Variants in ECT2L observed in about 807,000 individuals in gnomAD.
ECT2L encodes epithelial cell transforming 2 like.
In ECT2L, 126 loss-of-function variants were observed where a neutral mutation model predicts 122.8. That is an observed-to-expected ratio of 1.03 (90% CI 0.89 to 1.19). ECT2L has a LOEUF of 1.19. Ranked by LOEUF, ECT2L falls within the 50% of genes most tolerant of loss-of-function variation. The pLI, the probability that ECT2L is intolerant of heterozygous loss-of-function variation, is 0.00. For missense variants in ECT2L, 1,012 were observed against 1,064.1 expected (o/e 0.95, Z 0.68); for synonymous variants, 385 against 381.8 (o/e 1.01, Z -0.10).
At chr6:138,806,814 C>G (rs1178465711) in intron 1 of ECT2L, among the ~76,000 whole-genome samples, 1 of 151,680 alleles carries the variant, frequency 6.6e-6, no homozygotes, top group Admixed American at 6.6e-5. Context: ...CACCTGGCCA[C>G]GCATAGCTTT....
At chr6:138,880,520 T>A (rs1337557320) in intron 14 of ECT2L, among the ~76,000 whole-genome samples, 3 of 152,118 alleles carry the variant, frequency 2.0e-5, no homozygotes, top group Admixed American at 2.0e-4. Context: ...GTTTGCAAGA[T>A]AATCAATAAA....
rs1775980797 is a variant in ECT2L, at chr6:138,813,776, T to C, written c.66+436T>C. On this transcript the variant is annotated intron_variant, in intron 3 of 21. Transcript: ENST00000541398. ...TATTTTAAGGTAATTCAGGAAGTCGTCATTTAATGGCCTATGGTGGCTCTG... is the reference window on the plus strand; with the variant it reads ...TATTTTAAGGTAATTCAGGAAGTCGCCATTTAATGGCCTATGGTGGCTCTG... 3.3e-5 allele frequency among the ~76,000 whole-genome samples: 5 copies of C among 152,332 alleles called. No individual in the cohort carries two copies. In the South Asian group the frequency reaches 1.0e-3, roughly 32 times the overall value.
At chr6:138,840,282 C>T (rs1350443351) in intron 5 of ECT2L, among the ~76,000 whole-genome samples, 1 of 152,016 alleles carries the variant, frequency 6.6e-6, no homozygotes, top group East Asian at 1.9e-4. Context: ...AATGCACCCA[C>T]GCAGTTCAAA....
chr6:138,901,056 C>T lies in ECT2L; in HGVS notation c.2523C>T (p.Thr841=), dbSNP rs561803184. 4 of 1,614,158 alleles carry T rather than the reference C, an allele frequency of 2.5e-6. No individual in the cohort carries two copies. In the African/African-American group the frequency reaches 5.3e-5, roughly 22 times the overall value. ...HTPFERTSKT[T]YQFIASVALH... is the part of the protein sequence containing the mutation. ...CATTTGAGAGGACTTCAAAAACAACCTACCAGTTCATTGCATCAGTGGCCC... is the reference window on the plus strand; with the variant it reads ...CATTTGAGAGGACTTCAAAAACAACTTACCAGTTCATTGCATCAGTGGCCC... The change falls in exon 21 of 22, where the codon ACC becomes ACT. Residue 841 remains threonine (T), a synonymous_variant. Transcript: ENST00000541398.
chr6:138,798,265 C>T (rs1048464437), intron 1 of ECT2L, among the ~76,000 whole-genome samples: 7 of 152,148 alleles, frequency 4.6e-5, no homozygotes, highest in Admixed American at 2.6e-4. Context: ...TCTCTCTTCC[C>T]CAGAGGTCAG....
intron 9 of ECT2L, 38 bp downstream of exon 9, chr6:138,849,472 T>C: frequency 6.4e-7 from 1 of 1,572,768 alleles, no homozygotes; most frequent in Non-Finnish European, 8.6e-7. Context: ...ACCATGGAAC[T>C]TCGCGCTGTG....
At chr6:138,841,419 A>T (rs570639385) in intron 5 of ECT2L, among the ~76,000 whole-genome samples, 1 of 152,186 alleles carries the variant, frequency 6.6e-6, no homozygotes, top group East Asian at 1.9e-4. Context: ...AATCCTACAA[A>T]TCCAGTCAAG....
chr6:138,818,783 C>G (rs1420758612), intron 4 of ECT2L, among the ~76,000 whole-genome samples: 3 of 151,952 alleles, frequency 2.0e-5, no homozygotes, highest in African/African-American at 7.3e-5. Context: ...ATACACTGAC[C>G]CAACAGGACT....
At chr6:138,900,556 A>C (rs1403691063) in intron 20 of ECT2L, among the ~76,000 whole-genome samples, 1 of 152,204 alleles carries the variant, frequency 6.6e-6, no homozygotes, top group Admixed American at 6.5e-5. Flanking sequence ...TGTTATCCTT[A>C]AAGGTGAAAC....
At chr6:138,845,768 G>A (rs971022698) in intron 7 of ECT2L, among the ~76,000 whole-genome samples, 1 of 152,144 alleles carries the variant, frequency 6.6e-6, no homozygotes, top group East Asian at 1.9e-4. Context: ...ACTTGTTCAA[G>A]GCACATAAAG....
chr6:138,895,134 A>T (rs572697839), intron 20 of ECT2L, among the ~76,000 whole-genome samples: 1 of 152,216 alleles, frequency 6.6e-6, no homozygotes, highest in South Asian at 2.1e-4. Context: ...GTAAATGCAA[A>T]AAGATATCAC....
intron 10 of ECT2L, 110 bp from the exon 11 acceptor site, chr6:138,862,517 T>C (rs1296065809): frequency 3.8e-6 from 4 of 1,039,668 alleles, no homozygotes; most frequent in Middle Eastern, 2.1e-4. Context: ...ACCTCCAACG[T>C]TGGGGATTAG....
chr6:138,833,535 C>T (rs1776720361), intron 4 of ECT2L, among the ~76,000 whole-genome samples: 1 of 152,104 alleles, frequency 6.6e-6, no homozygotes, highest in Admixed American at 6.6e-5. Context: ...TTCCCCTTGC[C>T]CTTGTGTCAT....
intron 9 of ECT2L, among the ~76,000 whole-genome samples, chr6:138,853,218 G>A (rs1475204429): frequency 2.0e-5 from 3 of 152,022 alleles, no homozygotes; most frequent in East Asian, 1.9e-4. Context: ...CACCTGCCTC[G>A]GCCTCCCAAA....
chr6:138,840,941 C>T (rs1278673187), intron 5 of ECT2L, among the ~76,000 whole-genome samples: 1 of 152,100 alleles, frequency 6.6e-6, no homozygotes, highest in Non-Finnish European at 1.5e-5. Flanking sequence ...TTCTTTTATA[C>T]ACATTTTCCA....
At chr6:138,851,192 T>C (rs1386291348) in intron 9 of ECT2L, among the ~76,000 whole-genome samples, 1 of 152,002 alleles carries the variant, frequency 6.6e-6, no homozygotes, top group East Asian at 1.9e-4. Context: ...TTTTGTTTTG[T>C]TGGTTTTTTT....
chr6:138,901,250 A>T, intron 21 of ECT2L, 130 bp downstream of exon 21: 4 of 931,578 alleles, frequency 4.3e-6, no homozygotes, highest in Non-Finnish European at 6.3e-6. Flanking sequence ...CCCCAATATT[A>T]GAATTTCATT....
Position 138,885,694 on chromosome 6 carries a change from ACCCAT to A in ECT2L, c.2127_2131del (p.Ser710LysfsTer3). On this transcript the variant is annotated frameshift_variant, in exon 18 of 22. Transcript: ENST00000541398. LOFTEE classifies it high-confidence loss of function. ...TACAGCCTGCCAGAGCTGCTGCTGT[ACCCAT>A]CCCGAAGATTTGAAGAATACCTTAA... 5 of 1,614,090 alleles carry A rather than the reference ACCCAT, an allele frequency of 3.1e-6. No homozygotes were observed. The highest frequency in any genetic ancestry group is 4.2e-6 in the Non-Finnish European group (5 of 1,180,006).
intron 4 of ECT2L, among the ~76,000 whole-genome samples, chr6:138,831,613 T>C (rs1776649957): frequency 6.6e-6 from 1 of 152,260 alleles, no homozygotes; most frequent in Non-Finnish European, 1.5e-5. Flanking sequence ...GTACTTTTTC[T>C]TCAGAAGATT....
Sources: allele counts gnomAD v4.1 joint callset (sites outside exome capture counted in the v4.1 genomes callset), GRCh38; gene constraint gnomAD v4.1.1; transcripts MANE v1.5; gene names NCBI Gene and HGNC (gene_info 2026-07-23, HGNC 2026-07-21).